ENOX1: variants seen among roughly 807,000 people sequenced by gnomAD.
ENOX1 encodes ecto-NOX disulfide-thiol exchanger 1.
ENOX1 carries 42 observed loss-of-function variants against 82.5 expected under a neutral mutation model. The observed-to-expected ratio is 0.51, with a 90% CI of 0.40 to 0.66. The LOEUF (loss-of-function observed/expected upper bound fraction) is 0.66. ENOX1 is among the 30% of genes least tolerant of loss of function. The pLI, the probability that ENOX1 is intolerant of heterozygous loss-of-function variation, is 0.00. For synonymous variants in ENOX1, 271 were observed against 282.2 expected (o/e 0.96, Z 0.40); for missense variants, 608 against 811.6 (o/e 0.75, Z 3.05).
At chr13:43,734,004 C>T (rs2153823169) in intron 1 of ENOX1, among the ~76,000 whole-genome samples, 1 of 152,220 alleles carries the variant, frequency 6.6e-6, no homozygotes, top group East Asian at 1.9e-4. Context: ...AGAAGAGATA[C>T]AGGCAGAACA....
chr13:43,282,361 A>G, intron 12 of ENOX1, among the ~76,000 whole-genome samples: 1 of 151,914 alleles, frequency 6.6e-6, no homozygotes, highest in Non-Finnish European at 1.5e-5. Flanking sequence ...TTATTTCAGT[A>G]TTAAGTATAC....
intron 2 of ENOX1, among the ~76,000 whole-genome samples, chr13:43,530,316 CA>C (rs1295129477): frequency 6.6e-6 from 1 of 152,116 alleles, no homozygotes; most frequent in Non-Finnish European, 1.5e-5. Flanking sequence ...CAGAGCTGTA[CA>C]AAGGAAAGGT....
intron 2 of ENOX1, among the ~76,000 whole-genome samples, chr13:43,655,405 C>T (rs1466819141): frequency 1.3e-5 from 2 of 152,046 alleles, no homozygotes; most frequent in Admixed American, 6.6e-5. Flanking sequence ...AGGCAGCAAT[C>T]CAGCCTTGAC....
At chr13:43,728,445 T>C (rs1004973038) in intron 1 of ENOX1, among the ~76,000 whole-genome samples, 3 of 152,204 alleles carry the variant, frequency 2.0e-5, no homozygotes, top group Non-Finnish European at 2.9e-5. Context: ...GGGGTGTTAA[T>C]GCACATCTAA....
chr13:43,418,444 C>T (rs1212167427), intron 3 of ENOX1, among the ~76,000 whole-genome samples: 1 of 152,044 alleles, frequency 6.6e-6, no homozygotes, highest in Admixed American at 6.5e-5. Flanking sequence ...AGGAGAATCG[C>T]TTGAACCCAG....
intron 9 of ENOX1, among the ~76,000 whole-genome samples, chr13:43,339,992 C>G (rs2048962073): frequency 6.6e-6 from 1 of 152,188 alleles, no homozygotes; most frequent in Non-Finnish European, 1.5e-5. Flanking sequence ...GTCCTGACAT[C>G]AAACACATCT....
At chr13:43,356,428 A>G (rs1392664595) in intron 7 of ENOX1, among the ~76,000 whole-genome samples, 6 of 152,150 alleles carry the variant, frequency 3.9e-5, no homozygotes, top group Non-Finnish European at 5.9e-5. Flanking sequence ...CCAAGAGAAG[A>G]TGATCTCAGG....
At chr13:43,214,283 T>G (rs2041345537) in intron 16 of ENOX1, among the ~76,000 whole-genome samples, 162 bp from the exon 17 acceptor site, 1 of 152,136 alleles carries the variant, frequency 6.6e-6, no homozygotes, top group Non-Finnish European at 1.5e-5. Flanking sequence ...AAGTACTGAA[T>G]GTGATTATCC....
chr13:43,783,083 C>T (rs1952368535), intron 1 of ENOX1, among the ~76,000 whole-genome samples: 1 of 152,172 alleles, frequency 6.6e-6, no homozygotes, highest in Non-Finnish European at 1.5e-5. Flanking sequence ...TACAGGTATA[C>T]AAACTGACCA....
chr13:43,772,574 C>G (rs552482208), intron 1 of ENOX1, among the ~76,000 whole-genome samples: 6 of 152,026 alleles, frequency 3.9e-5, no homozygotes, highest in African/African-American at 1.4e-4. Flanking sequence ...CATGGTGAAA[C>G]CCTGTCTCTA....
intron 2 of ENOX1, among the ~76,000 whole-genome samples, chr13:43,573,611 G>T (rs1158755634): frequency 6.6e-6 from 1 of 152,190 alleles, no homozygotes; most frequent in Non-Finnish European, 1.5e-5. Context: ...ATTCACAGAT[G>T]TAAGCTGGCA....
intron 14 of ENOX1, among the ~76,000 whole-genome samples, chr13:43,258,173 C>T (rs549210933): frequency 3.1e-4 from 47 of 152,280 alleles, no homozygotes; most frequent in African/African-American, 1.1e-3. Flanking sequence ...GAACATTCAC[C>T]GTGAGCCAGC....
chr13:43,403,169 T>C (rs2053593156), intron 5 of ENOX1, among the ~76,000 whole-genome samples: 1 of 152,110 alleles, frequency 6.6e-6, no homozygotes, highest in Non-Finnish European at 1.5e-5. Context: ...GTGGTACATA[T>C]ACCAGAGTAC....
At chr13:43,326,622 A>C in intron 9 of ENOX1, 97 bp from the exon 10 acceptor site, 2 of 930,282 alleles carry the variant, frequency 2.1e-6, no homozygotes, top group Non-Finnish European at 3.5e-6. Flanking sequence ...GGATGATGTC[A>C]CAATAGAAAC....
At chr13:43,375,865 ATAT>A (rs897230197) in intron 5 of ENOX1, among the ~76,000 whole-genome samples, 11 of 152,260 alleles carry the variant, frequency 7.2e-5, no homozygotes, top group African/African-American at 2.6e-4. Context: ...ATCTTTATCT[ATAT>A]TATTATTTAC....
intron 1 of ENOX1, among the ~76,000 whole-genome samples, chr13:43,783,544 A>T (rs1952398333): frequency 6.6e-6 from 1 of 152,170 alleles, no homozygotes; most frequent in Non-Finnish European, 1.5e-5. Context: ...GTGTTCCTTA[A>T]TATTAAAGGG....
At chr13:43,740,619 C>T (rs1297957896) in intron 1 of ENOX1, among the ~76,000 whole-genome samples, 5 of 151,906 alleles carry the variant, frequency 3.3e-5, no homozygotes, top group Non-Finnish European at 7.4e-5. Flanking sequence ...TTTTCCTGAT[C>T]CTCTCCCTCC....
intron 1 of ENOX1, among the ~76,000 whole-genome samples, chr13:43,672,492 T>C (rs2085315813): frequency 6.6e-6 from 1 of 152,218 alleles, no homozygotes; most frequent in South Asian, 2.1e-4. Context: ...CTTTGTCATG[T>C]ACAATTTATA....
intron 3 of ENOX1, among the ~76,000 whole-genome samples, chr13:43,460,924 G>A (rs1022093404): frequency 7.3e-5 from 11 of 150,786 alleles, no homozygotes; most frequent in Admixed American, 4.6e-4. Context: ...GCACCAGAGA[G>A]CTGCAATTTT....
Sources: gnomAD v4.1 joint callset for allele counts (sites outside exome capture counted in the v4.1 genomes callset) on GRCh38, gnomAD v4.1.1 for gene constraint, MANE v1.5 for transcripts, NCBI Gene and HGNC (gene_info 2026-07-23, HGNC 2026-07-21) for gene names.